Variants in ZNF175 observed in about 807,000 individuals in gnomAD.
ZNF175 encodes the protein zinc finger protein OTK18.
Under a neutral mutation model 14.0 loss-of-function variants are expected in ZNF175, and 8 were observed. The ratio of observed to expected loss-of-function variants is 0.57; its 90% CI spans 0.34 to 1.03. The LOEUF is 1.03. Among genes scored for constraint, ZNF175 ranks in the 50% least tolerant of loss-of-function variants. The pLI, the probability that ZNF175 is intolerant of heterozygous loss-of-function variation, is 0.03. For missense variants in ZNF175, 764 were observed against 849.5 expected (o/e 0.90, Z 1.25); for synonymous variants, 255 against 296.8 (o/e 0.86, Z 1.45).
chr19:51,586,830 T>C lies in ZNF175; in HGVS notation c.499T>C (p.Leu167=), dbSNP rs1982179527. 3.1e-6 allele frequency: 5 copies of C among 1,614,112 alleles called. No individual in the cohort carries two copies. Among genetic ancestry groups the C allele is most frequent in the Non-Finnish European group, 4.2e-6 (5 of 1,179,998 alleles). ...CAGTGCTTTCTTCAACAAGAAAACA[T>C]TGAACACAGAAAGCAATTGTGAATA... is the stretch of plus-strand genomic sequence containing the variant. ...SHSAFFNKKT[L]NTESNCEYKD... Residue 167 remains leucine (L), a synonymous_variant, in exon 5 of 5, where the codon TTG becomes CTG. Coordinates refer to ENST00000262259, the MANE Select transcript of ZNF175 (RefSeq NM_007147.4).
intron 3 of ZNF175, 54 bp from the exon 4 acceptor site, chr19:51,581,733 G>A (rs1982010711): frequency 1.3e-6 from 2 of 1,589,778 alleles, no homozygotes; most frequent in Non-Finnish European, 1.7e-6. Flanking sequence ...TCATTGAATG[G>A]CCTCTAAAAC....
intron 3 of ZNF175, 113 bp downstream of exon 3, chr19:51,581,630 TG>T: frequency 6.6e-7 from 1 of 1,521,692 alleles, no homozygotes; most frequent in Non-Finnish European, 8.8e-7. Context: ...TTTATCGGTT[TG>T]TCCTGGATTG....
At chr19:51,572,948 T>G (rs1981643230) in intron 1 of ZNF175, among the ~76,000 whole-genome samples, 2 of 152,232 alleles carry the variant, frequency 1.3e-5, no homozygotes, top group African/African-American at 4.8e-5. Flanking sequence ...ATTCTCACAG[T>G]GAAAATGTGG....
At position 51,586,882 on chromosome 19, in the gene ZNF175, C is replaced by G. The variant is rs749606113; in HGVS notation, c.551C>G (p.Thr184Arg). ...EYKDPGKMIR[T>R]RPHLASSQKQ... The stretch of plus-strand genomic sequence containing the variant: ...AAGGACCCTGGGAAAATGATTCGCA[C>G]GAGGCCCCACCTTGCTTCTTCACAG... The change falls in exon 5 of 5, where the codon ACG (threonine) becomes AGG (arginine). Residue 184 changes from threonine to arginine, a missense_variant. Physicochemically the swap from Thr to Arg is moderately conservative, Grantham distance 71. Transcript: ENST00000262259. The G allele has an allele frequency of 6.2e-7, 1 of 1,614,154 alleles. No homozygotes were observed. The highest frequency in any genetic ancestry group is 8.5e-7 in the Non-Finnish European group (1 of 1,180,012).
At position 51,589,790 on chromosome 19, in the gene ZNF175, T is replaced by C. The variant is rs894540221; in HGVS notation, c.*1323T>C. ...CTGCACTGGCAGAATTGAGTAGTTT[T>C]GGCGGAGATCAAATAGCCCCCAAGC... On this transcript the variant is annotated 3_prime_UTR_variant, in exon 5 of 5. Coordinates refer to ENST00000262259, the MANE Select transcript of ZNF175 (RefSeq NM_007147.4). 5.3e-6 allele frequency: 3 copies of C among 567,414 alleles called. No individual in the cohort carries two copies. Among genetic ancestry groups the C allele is most frequent in the Non-Finnish European group, 6.2e-6 (2 of 320,866 alleles). The allele number at this position is 567,414 out of a possible 1,614,324, so 35.1% of individuals were successfully genotyped here. A position where few individuals can be genotyped will look rare whatever the true frequency, so the allele number is the denominator to read the frequency against.
chr19:51,574,831 T>A (rs2122558832), intron 2 of ZNF175, among the ~76,000 whole-genome samples: 1 of 152,326 alleles, frequency 6.6e-6, no homozygotes, highest in African/African-American at 2.4e-5. Flanking sequence ...GCTTTTTTCC[T>A]TTTTTAACAA....
intron 2 of ZNF175, among the ~76,000 whole-genome samples, chr19:51,578,369 C>T (rs762020522): frequency 5.3e-5 from 8 of 150,476 alleles, no homozygotes; most frequent in Non-Finnish European, 1.0e-4. Context: ...CATTGCATTC[C>T]AGCCTGGGCA....
rs2278830 is a variant in ZNF175, at chr19:51,581,712, A to G, written c.200-75A>G. ...AAAATGTTGACTTTTCTAATGAGCC[A>G]GTGTAAAGCTTCATTGAATGGCCTC... is the stretch of plus-strand genomic sequence containing the variant. On this transcript the variant is annotated intron_variant, in intron 3 of 4. Coordinates refer to ENST00000262259, the MANE Select transcript of ZNF175 (RefSeq NM_007147.4). 5,227 of 1,559,676 alleles carry G rather than the reference A, an allele frequency of 3.4e-3. 190 individuals carry two copies. In the East Asian group the frequency reaches 0.085, roughly 25 times the overall value.
chr19:51,573,359 G>T lies in ZNF175; in HGVS notation c.30G>T (p.Lys10Asn). Residue 10 changes from lysine (K) to asparagine (N), a missense_variant, in exon 2 of 5, where the codon AAG (lysine) becomes AAT (asparagine). Transcript: ENST00000262259. MPADVNLSQ[K>N]PQVLGPEKQD... ...CTGCTGATGTGAATTTATCCCAGAA[G>T]CCTCAGGTCCTGGGTCCAGAGAAGC... The T allele has an allele frequency of 6.2e-7, 1 of 1,612,596 alleles. No homozygotes were observed. Among genetic ancestry groups the T allele is most frequent in the South Asian group, 1.1e-5 (1 of 90,846 alleles).
In ZNF175 at chr19:51,581,380, C is replaced by T. The variant is rs1981996184; in HGVS notation, c.73-11C>T. ...ACCTAATTCACAGTGAGCTGGGGTA[C>T]ACTGTTACAGGCATCAGTGTCATTT... On this transcript the variant is annotated splice_polypyrimidine_tract_variant and intron_variant, in intron 2 of 4. Transcript: ENST00000262259. 6.2e-7 allele frequency: 1 copy of T among 1,614,066 alleles called. No homozygotes were observed. Among genetic ancestry groups the T allele is most frequent in the Non-Finnish European group, 8.5e-7 (1 of 1,179,992 alleles).
intron 2 of ZNF175, 109 bp from the exon 3 acceptor site, chr19:51,581,282 C>T (rs1474976233): frequency 1.3e-6 from 2 of 1,516,258 alleles, no homozygotes; most frequent in African/African-American, 2.7e-5. Flanking sequence ...TGGGAAGCCT[C>T]TGTGATGGAT....
chr19:51,576,293 G>A (rs1419474693), intron 2 of ZNF175, among the ~76,000 whole-genome samples: 1 of 152,008 alleles, frequency 6.6e-6, no homozygotes, highest in African/African-American at 2.4e-5. Flanking sequence ...GGGATTACAG[G>A]CACTTGCCAC....
chr19:51,573,100 T>G, intron 1 of ZNF175, 50 bp from the exon 2 acceptor site: 1 of 514,258 alleles, frequency 1.9e-6, no homozygotes, highest in Non-Finnish European at 3.4e-6. Flanking sequence ...CAGGAAATAT[T>G]TGTGGAGTGA....
intron 2 of ZNF175, among the ~76,000 whole-genome samples, chr19:51,574,661 C>G (rs1981712199): frequency 6.6e-6 from 1 of 152,046 alleles, no homozygotes; most frequent in African/African-American, 2.4e-5. Context: ...AGAGTGAGAC[C>G]CTGTCTCAAA....
In ZNF175 at chr19:51,573,163, C is replaced by T; in HGVS notation, c.-167C>T. 1 of 684,960 alleles carries T rather than the reference C, an allele frequency of 1.5e-6. No individual in the cohort carries two copies. The highest frequency in any genetic ancestry group is 2.7e-5 in the East Asian group (1 of 36,534). 42.4% of individuals were successfully genotyped at this position (684,960 alleles called of 1,614,324 possible). ...TGCTTTTCCAAGGCTTCTGCAGAAC[C>T]CCCAGGTCAGGCCACATCATTGAGG... On this transcript the variant is annotated 5_prime_UTR_variant, in exon 2 of 5. Transcript: ENST00000262259.
At chr19:51,577,262 T>C (rs1165894172) in intron 2 of ZNF175, among the ~76,000 whole-genome samples, 2 of 152,190 alleles carry the variant, frequency 1.3e-5, no homozygotes, top group African/African-American at 4.8e-5. Flanking sequence ...CATTTTTTTC[T>C]TCCTAAAACA....
intron 4 of ZNF175, among the ~76,000 whole-genome samples, chr19:51,584,400 A>G (rs12976230): frequency 2.0e-5 from 3 of 152,156 alleles, no homozygotes; most frequent in African/African-American, 7.2e-5. Flanking sequence ...CTTTTTTGCA[A>G]TCGACATTGT....
chr19:51,581,293 C>T (rs976709354), intron 2 of ZNF175, 98 bp from the exon 3 acceptor site: 10 of 1,557,172 alleles, frequency 6.4e-6, no homozygotes, highest in East Asian at 2.3e-5. Flanking sequence ...TGTGATGGAT[C>T]GTGGTGAAAA....
In ZNF175 at chr19:51,587,365, T is replaced by A; in HGVS notation, c.1034T>A (p.Ile345Asn). 1 of 1,614,102 alleles carries A rather than the reference T, an allele frequency of 6.2e-7. No homozygotes were observed. Among genetic ancestry groups the A allele is most frequent in the East Asian group, 2.2e-5 (1 of 44,878 alleles). Residue 345 changes from isoleucine (I) to asparagine (N), a missense_variant, in exon 5 of 5, where the codon ATT (isoleucine) becomes AAT (asparagine). Ile to Asn is a moderately radical substitution (Grantham distance 149). Transcript: ENST00000262259. ...CICKECGKVF[I>N]QRSELLTHQK... ...TGCAAGGAATGTGGGAAGGTCTTTA[T>A]TCAGAGATCAGAATTGCTTACGCAC...
Sources: gnomAD v4.1 joint callset for allele counts (sites outside exome capture counted in the v4.1 genomes callset) on GRCh38, gnomAD v4.1.1 for gene constraint, MANE v1.5 for transcripts, NCBI Gene and HGNC (gene_info 2026-07-23, HGNC 2026-07-21) for gene names.